Variants in NEIL3 observed in about 807,000 individuals in gnomAD.
NEIL3 encodes nei like DNA glycosylase 3, also known as endonuclease 8-like 3.
Under a neutral mutation model 57.5 loss-of-function variants are expected in NEIL3, and 48 were observed. That is an observed-to-expected ratio of 0.83 (90% CI 0.66 to 1.06). The LOEUF (loss-of-function observed/expected upper bound fraction) is 1.06, where lower values mean the gene tolerates loss of function less well. NEIL3 is among the 50% of genes least tolerant of loss of function. The probability of loss-of-function intolerance (pLI) is 0.00; values close to 1 mark genes in which losing one functional copy is unlikely to be tolerated. For missense variants in NEIL3, 717 were observed against 739.1 expected (o/e 0.97, Z 0.35); for synonymous variants, 261 against 253.2 (o/e 1.03, Z -0.29).
chr4:177,363,717 C>G (rs932164136), downstream of NEIL3, among the ~76,000 whole-genome samples: 25 of 152,276 alleles, frequency 1.6e-4, no homozygotes, highest in Middle Eastern at 3.4e-3. Flanking sequence ...AAACTTACAT[C>G]CTTATCCTAA....
intron 2 of NEIL3, among the ~76,000 whole-genome samples, chr4:177,330,561 CT>C (rs1306329153): frequency 6.6e-6 from 1 of 151,894 alleles, no homozygotes; most frequent in Non-Finnish European, 1.5e-5. Flanking sequence ...ATAATTGGTC[CT>C]TTGAAAAGCA....
chr4:177,318,694 C>G (rs547830934), intron 1 of NEIL3, among the ~76,000 whole-genome samples: 2 of 152,146 alleles, frequency 1.3e-5, no homozygotes, highest in Non-Finnish European at 2.9e-5. Context: ...TATGACTGCT[C>G]CTTTAAAATT....
At position 177,310,051 on chromosome 4, in the gene NEIL3, G is replaced by A. The variant is rs756626713; in HGVS notation, c.98G>A (p.Arg33Gln). ...AVTGVRGSAL[R>Q]SLQGRALRLA... The stretch of plus-strand genomic sequence containing the variant: ...ACCGGCGTGCGGGGAAGCGCTCTGC[G>A]GAGTCTGCAGGGCCGCGCCTTGCGG... Residue 33 changes from arginine (R) to glutamine (Q), a missense_variant, in exon 1 of 10, where the codon CGG becomes CAG. By Grantham distance (43) the Arg-to-Gln change is conservative. Transcript: ENST00000264596. 6.8e-6 allele frequency: 11 copies of A among 1,608,230 alleles called. No homozygotes were observed. The highest frequency in any genetic ancestry group is 9.3e-6 in the Non-Finnish European group (11 of 1,178,140).
intron 2 of NEIL3, among the ~76,000 whole-genome samples, chr4:177,328,905 T>C (rs1476767347): frequency 6.8e-6 from 1 of 146,416 alleles, no homozygotes; most frequent in Non-Finnish European, 1.5e-5. Flanking sequence ...GGTACACTAA[T>C]GTTGTTGCAA....
At chr4:177,362,134 T>A (rs1735617699) in intron 9 of NEIL3, among the ~76,000 whole-genome samples, 155 bp from the exon 10 acceptor site, 1 of 152,246 alleles carries the variant, frequency 6.6e-6, no homozygotes, top group Non-Finnish European at 1.5e-5. Flanking sequence ...TAAGCTTTTT[T>A]AAAGGCGACG....
chr4:177,353,700 A>G lies in NEIL3; in HGVS notation c.1432A>G (p.Lys478Glu), dbSNP rs1191919364. The stretch of plus-strand genomic sequence containing the variant: ...AGCCCAATACTCATCACCAGAGCTT[A>G]AAAGCTGCAACCCTGGATATTCTAA... ...KTAQYSSPEL[K>E]SCNPGYSNSE... The change falls in exon 8 of 10, where the codon AAA becomes GAA. Residue 478 changes from lysine to glutamate, a missense_variant. Transcript: ENST00000264596. 6.2e-7 allele frequency: 1 copy of G among 1,613,298 alleles called. No homozygotes were observed. The highest frequency in any genetic ancestry group is 8.5e-7 in the Non-Finnish European group (1 of 1,179,728).
At chr4:177,367,852 A>G (rs1735711073), downstream of NEIL3, among the ~76,000 whole-genome samples, 2 of 152,236 alleles carry the variant, frequency 1.3e-5, no homozygotes, top group African/African-American at 4.8e-5. Context: ...TGTGCTGAAT[A>G]CTTGCCACAG....
chr4:177,316,642 G>C (rs1305357099), intron 1 of NEIL3, among the ~76,000 whole-genome samples: 2 of 152,092 alleles, frequency 1.3e-5, no homozygotes, highest in South Asian at 2.1e-4. Context: ...GCCACACTTG[G>C]TTTTCAGAGC....
At chr4:177,335,997 C>T (rs1734971793) in intron 3 of NEIL3, 111 bp from the exon 4 acceptor site, 1 of 1,030,698 alleles carries the variant, frequency 9.7e-7, no homozygotes, top group Admixed American at 2.6e-5. Flanking sequence ...GCATATGTAA[C>T]TCTTATACCC....
intron 8 of NEIL3, chr4:177,354,281 A>T (rs1406069846): frequency 6.6e-6 from 1 of 152,458 alleles, no homozygotes; most frequent in Admixed American, 6.5e-5. Context: ...ATAACCATAC[A>T]CATGATCAAT....
chr4:177,337,094 A>C (rs34611856), intron 4 of NEIL3, among the ~76,000 whole-genome samples: 1,363 of 131,070 alleles, frequency 0.01, 20 homozygotes, highest in African/African-American at 0.036. Flanking sequence ...TATATGTTGC[A>C]AAAAAAAAAA....
chr4:177,313,584 A>G lies in NEIL3; in HGVS notation c.156+3475A>G, dbSNP rs567194424. Among the ~76,000 whole-genome samples the G allele has an allele frequency of 3.1e-4, 47 of 152,342 alleles. 1 individual carries two copies. Among genetic ancestry groups the G allele is most frequent in the Non-Finnish European group, 5.9e-4 (40 of 68,010 alleles). On this transcript the variant is annotated intron_variant, in intron 1 of 9. Coordinates refer to ENST00000264596, the MANE Select transcript of NEIL3 (RefSeq NM_018248.3). ...CTGGTTAATGAGCTTTGAAGAGTCA[A>G]TCCTTTGATTTTAATTGTTGGGTGG...
chr4:177,315,009 C>T lies in NEIL3; in HGVS notation c.156+4900C>T, dbSNP rs899119989. Among the ~76,000 whole-genome samples, 10 of 144,140 alleles carry T rather than the reference C, an allele frequency of 6.9e-5. No homozygotes were observed. In the Admixed American group the frequency reaches 7.4e-4, roughly 11 times the overall value. The allele number at this position is 144,140 out of a possible 152,430, so 94.6% of individuals were successfully genotyped here. A position where few individuals can be genotyped will look rare whatever the true frequency, so the allele number is the denominator to read the frequency against. Reference sequence around the variant, plus strand: ...GCGTGAACCCAGGAGGTGGAGCTTGCAGTGAGCCGAGATCGCGCCACTGCA... The same window carrying T: ...GCGTGAACCCAGGAGGTGGAGCTTGTAGTGAGCCGAGATCGCGCCACTGCA... On this transcript the variant is annotated intron_variant, in intron 1 of 9. Coordinates refer to ENST00000264596, the MANE Select transcript of NEIL3 (RefSeq NM_018248.3).
At chr4:177,320,078 G>C (rs1734649474) in intron 1 of NEIL3, among the ~76,000 whole-genome samples, 1 of 152,114 alleles carries the variant, frequency 6.6e-6, no homozygotes, top group Non-Finnish European at 1.5e-5. Flanking sequence ...CATCTTAAAA[G>C]TGTCCTGGCA....
intron 6 of NEIL3, among the ~76,000 whole-genome samples, chr4:177,348,482 A>T (rs1414150500): frequency 2.0e-5 from 3 of 152,036 alleles, no homozygotes; most frequent in African/African-American, 7.2e-5. Context: ...CTGCTCCTTG[A>T]GGTCACCAGG....
chr4:177,339,905 T>G (rs754974694), intron 5 of NEIL3, 48 bp downstream of exon 5: 10 of 1,360,676 alleles, frequency 7.3e-6, no homozygotes, highest in Admixed American at 3.4e-5. Flanking sequence ...TGTCAGTGGT[T>G]TCCTTTTGGA....
chr4:177,362,331 TC>T lies in NEIL3; in HGVS notation c.1680del (p.Thr561ProfsTer2). The T allele has an allele frequency of 6.2e-7, 1 of 1,611,976 alleles. No individual in the cohort carries two copies. ...SFPFCNHGKR[S>X]TMKTVLKIGP... ...CCCATTCTGCAACCATGGCAAGCGT[TC>T]CACCATGAAAACAGTATTGAAGATT... On this transcript the variant is annotated frameshift_variant, in exon 10 of 10. Coordinates refer to ENST00000264596, the MANE Select transcript of NEIL3 (RefSeq NM_018248.3). LOFTEE classifies it high-confidence loss of function.
At position 177,330,201 on chromosome 4, in the gene NEIL3, T is replaced by C. The variant is rs1734855674; in HGVS notation, c.279-5487T>C. 1.3e-5 allele frequency among the ~76,000 whole-genome samples: 2 copies of C among 152,304 alleles called. 1 individual carries two copies. ...TGCTGGGATTACAGGCGTGAGCCAC[T>C]GCGCCCAGCTGAAAAATTTAAAGTA... On this transcript the variant is annotated intron_variant, in intron 2 of 9. Coordinates refer to ENST00000264596, the MANE Select transcript of NEIL3 (RefSeq NM_018248.3).
chr4:177,346,824 C>A (rs983731829), intron 6 of NEIL3, among the ~76,000 whole-genome samples: 2 of 152,070 alleles, frequency 1.3e-5, no homozygotes, highest in East Asian at 3.9e-4. Flanking sequence ...ATGTGGGAAA[C>A]CCCATCTCTA....
Sources: gnomAD v4.1 joint callset for allele counts (sites outside exome capture counted in the v4.1 genomes callset) on GRCh38, gnomAD v4.1.1 for gene constraint, MANE v1.5 for transcripts, NCBI Gene and HGNC (gene_info 2026-07-23, HGNC 2026-07-21) for gene names.